MADD: variants seen among roughly 807,000 people sequenced by gnomAD.
MADD encodes MAP kinase activating death domain.
In MADD, 109 loss-of-function variants were observed where a neutral mutation model predicts 176.7. That is an observed-to-expected ratio of 0.62 (90% CI 0.53 to 0.72). MADD has a LOEUF of 0.72. MADD is among the 30% of genes least tolerant of loss of function. The probability of loss-of-function intolerance (pLI) is 0.00; values close to 1 mark genes in which losing one functional copy is unlikely to be tolerated. For synonymous variants in MADD, 771 were observed against 771.3 expected, an observed-to-expected ratio of 1.00 and a Z score of 0.01; for missense variants, 1,914 against 2,045.5, an observed-to-expected ratio of 0.94 and a Z score of 1.24.
chr11:47,298,281 C>T (rs2074758130), intron 22 of MADD, among the ~76,000 whole-genome samples: 1 of 152,202 alleles, frequency 6.6e-6, no homozygotes, highest in African/African-American at 2.4e-5. Flanking sequence ...GAAAATCCTC[C>T]ACCTTGAGCA....
exon 23 of MADD, chr11:47,308,638 C>G: frequency 6.2e-7 from 1 of 1,614,052 alleles, no homozygotes; most frequent in Non-Finnish European, 8.5e-7. Flanking sequence ...AGCTGGCAGG[C>G]AGCCCCATTC....
intron 32 of MADD, 77 bp downstream of exon 36, chr11:47,328,781 G>A (rs902097860): frequency 2.5e-6 from 4 of 1,585,632 alleles, no homozygotes; most frequent in Non-Finnish European, 3.5e-6. Flanking sequence ...AGGAGGGGAG[G>A]GCCCTCTGAG....
intron 22 of MADD, among the ~76,000 whole-genome samples, chr11:47,303,242 T>C (rs1334089535): frequency 1.2e-5 from 1 of 80,972 alleles, no homozygotes; most frequent in African/African-American, 7.3e-5. Context: ...TCTTGCTGTT[T>C]TTTTTTTTTT....
rs780093922 is a variant in MADD at position 47,308,660 on chromosome 11, G to T, written c.3712G>T (p.Asp1238Tyr). Residue 1238 changes from aspartate (D) to tyrosine (Y), a missense_variant, in exon 23 of 33, where the codon GAT (aspartate) becomes TAT (tyrosine). Physicochemically the swap from Asp to Tyr is radical, Grantham distance 160 (BLOSUM62 -3). Coordinates refer to ENST00000402192, the Ensembl canonical transcript of MADD. ...AGGCAGCCCCATTCGTACTTCTGAA[G>T]ATGTGAGCCAGCGAGTCTATCTCTA... The T allele has an allele frequency of 6.8e-6, 11 of 1,614,090 alleles. No individual in the cohort carries two copies. In the South Asian group the frequency reaches 1.1e-4, roughly 16 times the overall value.
intron 7 of MADD, among the ~76,000 whole-genome samples, chr11:47,279,321 C>G (rs573839463): frequency 1.3e-5 from 2 of 150,926 alleles, no homozygotes; most frequent in Admixed American, 1.3e-4. Context: ...TAAAATAGCC[C>G]TTCACTCTCT....
chr11:47,303,930 A>G (rs1352774819), intron 22 of MADD, among the ~76,000 whole-genome samples: 1 of 151,998 alleles, frequency 6.6e-6, no homozygotes, highest in African/African-American at 2.4e-5. Flanking sequence ...TTTGGGTTGA[A>G]TCTGTTTGGG....
intron 27 of MADD, among the ~76,000 whole-genome samples, chr11:47,316,160 C>T (rs113341820): frequency 1.4e-4 from 18 of 124,318 alleles, no homozygotes; most frequent in African/African-American, 4.3e-4. Context: ...CACGTGCGCG[C>T]GCACACACAC....
chr11:47,316,487 C>T (rs1288727587), intron 27 of MADD, among the ~76,000 whole-genome samples: 1 of 148,058 alleles, frequency 6.8e-6, no homozygotes, highest in Non-Finnish European at 1.5e-5. Flanking sequence ...CTCCTGGGTT[C>T]AAGCGATTCT....
At chr11:47,323,067 G>T (rs1376971916) in intron 27 of MADD, among the ~76,000 whole-genome samples, 1 of 151,992 alleles carries the variant, frequency 6.6e-6, no homozygotes, top group Non-Finnish European at 1.5e-5. Flanking sequence ...GTGAAACCCT[G>T]TCTCTACTAA....
intron 26 of MADD, among the ~76,000 whole-genome samples, chr11:47,313,460 G>A (rs1480254241): frequency 2.0e-5 from 3 of 150,828 alleles, no homozygotes; most frequent in East Asian, 2.0e-4. Context: ...GAGTACAGGC[G>A]TATGCTGCCA....
At chr11:47,274,254 CCTCTATGTAT>C (rs1258681472) in intron 2 of MADD, among the ~76,000 whole-genome samples, 2 of 152,116 alleles carry the variant, frequency 1.3e-5, no homozygotes, top group African/African-American at 4.8e-5. Flanking sequence ...ATAAGCTACT[CCTCTATGTAT>C]ACTTTTTTGG....
At chr11:47,311,812 C>T in exon 26 of MADD, 1 of 1,613,812 alleles carries the variant, frequency 6.2e-7, no homozygotes, top group Non-Finnish European at 8.5e-7. Context: ...GCCAGCAAAT[C>T]AATGAGGTGC....
exon 9 of MADD, chr11:47,282,519 T>C: frequency 1.2e-6 from 2 of 1,614,148 alleles, no homozygotes; most frequent in Non-Finnish European, 1.7e-6. Flanking sequence ...CCCGGCAGAC[T>C]CCTTTTGCCG....
At chr11:47,274,207 C>T (rs1342876971) in intron 2 of MADD, among the ~76,000 whole-genome samples, 1 of 152,178 alleles carries the variant, frequency 6.6e-6, no homozygotes, top group Non-Finnish European at 1.5e-5. Flanking sequence ...CTCTTTATAC[C>T]TCAGTTTTCT....
chr11:47,276,029 C>G (rs1260529012), exon 4 of MADD: 26 of 1,614,084 alleles, frequency 1.6e-5, no homozygotes, highest in Non-Finnish European at 2.1e-5. Flanking sequence ...CGTCTCTGGG[C>G]AGAAGCGAGT....
chr11:47,269,974 C>G (rs992131121), upstream of MADD: 5 of 152,338 alleles, frequency 3.3e-5, no homozygotes, highest in African/African-American at 1.2e-4. Flanking sequence ...CTCCCGCGCC[C>G]ACGGGCGCTA....
At chr11:47,270,058 GC>G, upstream of MADD, 2 of 152,036 alleles carry the variant, frequency 1.3e-5, no homozygotes, top group Non-Finnish European at 1.5e-5. Context: ...TGCAGCCCCG[GC>G]CCCCCGGGCT....
At chr11:47,315,256 C>A (rs761599546) in exon 27 of MADD, 12 of 1,613,740 alleles carry the variant, frequency 7.4e-6, no homozygotes, top group Non-Finnish European at 1.0e-5. Context: ...CAGTGGCAGC[C>A]GGCACATGAA....
chr11:47,316,390 T>C (rs181602324), intron 27 of MADD, among the ~76,000 whole-genome samples: 3,725 of 137,314 alleles, frequency 0.027, 168 homozygotes, highest in African/African-American at 0.097. Context: ...TTTTTCTTTT[T>C]TTTTTTTTTT....
Sources: gnomAD v4.1 joint callset for allele counts (sites outside exome capture counted in the v4.1 genomes callset) on GRCh38, gnomAD v4.1.1 for gene constraint, MANE v1.5 for transcripts, NCBI Gene and HGNC (gene_info 2026-07-23, HGNC 2026-07-21) for gene names.